PARP1: variants seen among roughly 807,000 people sequenced by gnomAD.
PARP1 encodes poly(ADP-ribose) polymerase 1.
Under a neutral mutation model 118.7 loss-of-function variants are expected in PARP1, and 44 were observed. That is an observed-to-expected ratio of 0.37 (90% CI 0.29 to 0.48). The LOEUF (loss-of-function observed/expected upper bound fraction) is 0.48, where lower values mean the gene tolerates loss of function less well. Among genes scored for constraint, PARP1 ranks in the 20% least tolerant of loss-of-function variants. The pLI is 0.99. For missense variants in PARP1, 1,100 were observed against 1,272.4 expected, an observed-to-expected ratio of 0.86 and a Z score of 2.06; for synonymous variants, 492 against 483.2, an observed-to-expected ratio of 1.02 and a Z score of -0.24.
Position 226,380,130 on chromosome 1 carries a change from T to G in PARP1, c.1335A>C (p.Glu445Asp), listed in dbSNP as rs770590002. The G allele has an allele frequency of 6.2e-7, 1 of 1,614,060 alleles. No homozygotes were observed. Among genetic ancestry groups the G allele is most frequent in the Admixed American group, 1.7e-5 (1 of 60,006 alleles). ...EVEKMNKKME[E>D]VKEANIRVVS... is the part of the protein sequence containing the mutation. ...CAACTCGGATGTTGGCTTCCTTTAC[T>G]TCCTCCATCTTCTTATTCATCTTTT... Residue 445 changes from glutamate (E) to aspartate (D), a missense_variant, in exon 10 of 23, where the codon GAA becomes GAC. Around this residue, in one of 2 missense-constraint regions of PARP1, gnomAD observed 948 missense variants for 1,031.8 expected, o/e 0.92. Transcript: ENST00000366794.
chr1:226,393,979 AT>A (rs1466195320), intron 2 of PARP1, among the ~76,000 whole-genome samples: 3 of 152,254 alleles, frequency 2.0e-5, no homozygotes, highest in Non-Finnish European at 4.4e-5. Flanking sequence ...CTAAAAGAAA[AT>A]GTCAAACTTG....
chr1:226,365,236 G>A (rs927016330), intron 18 of PARP1, 82 bp from the exon 19 acceptor site: 48 of 1,443,264 alleles, frequency 3.3e-5, no homozygotes, highest in East Asian at 4.5e-5. Flanking sequence ...CTGGATACAC[G>A]AGAAATGACC....
In PARP1 at chr1:226,361,375, C is replaced by A; in HGVS notation, c.*85G>T. The A allele has an allele frequency of 1.2e-6, 1 of 853,168 alleles. No homozygotes were observed. The highest frequency in any genetic ancestry group is 2.0e-6 in the Non-Finnish European group (1 of 500,010). 52.8% of individuals were successfully genotyped at this position (853,168 alleles called of 1,614,324 possible). On this transcript the variant is annotated 3_prime_UTR_variant, in exon 23 of 23. Transcript: ENST00000366794. ...TAGTACAGGTACTACCCATCAGCAACTTAGCGGCCAGGTGAGTTGGTGCAG... is the reference window on the plus strand; with the variant it reads ...TAGTACAGGTACTACCCATCAGCAAATTAGCGGCCAGGTGAGTTGGTGCAG...
At chr1:226,372,669 C>T (rs1023981163) in intron 14 of PARP1, among the ~76,000 whole-genome samples, 5 of 149,778 alleles carry the variant, frequency 3.3e-5, no homozygotes, top group African/African-American at 1.0e-4. Flanking sequence ...AGTGAAACTC[C>T]GTCTCAAACC....
chr1:226,385,257 T>A (rs1558238833), intron 7 of PARP1, among the ~76,000 whole-genome samples: 1 of 152,186 alleles, frequency 6.6e-6, no homozygotes, highest in Non-Finnish European at 1.5e-5. Flanking sequence ...TAAAAACTAT[T>A]CATGGTCTTT....
intron 10 of PARP1, 75 bp from the exon 11 acceptor site, chr1:226,379,716 G>A (rs1664567191): frequency 7.3e-7 from 1 of 1,368,344 alleles, no homozygotes. Flanking sequence ...GAAGGCAAAT[G>A]AGTTGTTCTC....
intron 6 of PARP1, among the ~76,000 whole-genome samples, chr1:226,385,971 A>G (rs929252467): frequency 2.0e-5 from 3 of 152,194 alleles, no homozygotes; most frequent in African/African-American, 7.2e-5. Flanking sequence ...TACAGTGCCA[A>G]GCCAACTCCC....
At chr1:226,381,272 G>T in intron 8 of PARP1, 64 bp from the exon 9 acceptor site, 1 of 1,597,554 alleles carries the variant, frequency 6.3e-7, no homozygotes, top group South Asian at 1.1e-5. Flanking sequence ...AGTAAGGGGA[G>T]GTGGAGGAGC....
At chr1:226,367,713 A>C (rs1304960988) in intron 16 of PARP1, 105 bp from the exon 17 acceptor site, 8 of 1,304,600 alleles carry the variant, frequency 6.1e-6, no homozygotes, top group African/African-American at 2.9e-5. Flanking sequence ...CAACACAGTG[A>C]ATGGCAAACC....
intron 9 of PARP1, 75 bp downstream of exon 9, chr1:226,380,993 T>G: frequency 6.5e-7 from 1 of 1,542,612 alleles, no homozygotes; most frequent in South Asian, 1.1e-5. Flanking sequence ...GTTCGACTCT[T>G]CCTCACTTAC....
intron 14 of PARP1, among the ~76,000 whole-genome samples, chr1:226,373,200 G>A (rs1239175454): frequency 1.3e-5 from 2 of 152,200 alleles, no homozygotes; most frequent in African/African-American, 4.8e-5. Context: ...GGTTCTAGGA[G>A]GAAGGACTTG....
chr1:226,391,671 G>A (rs1159674868), intron 3 of PARP1, among the ~76,000 whole-genome samples: 3 of 152,174 alleles, frequency 2.0e-5, no homozygotes, highest in Non-Finnish European at 4.4e-5. Context: ...TTCAATTAAT[G>A]CCTTAAATGA....
At chr1:226,379,846 G>A (rs1664569476) in intron 10 of PARP1, 76 bp downstream of exon 10, 1 of 1,604,718 alleles carries the variant, frequency 6.2e-7, no homozygotes, top group Admixed American at 1.7e-5. Flanking sequence ...CACAAAGGGA[G>A]AGGTTCCGTG....
At chr1:226,374,938 T>C (rs556137883) in intron 13 of PARP1, among the ~76,000 whole-genome samples, 6 of 152,298 alleles carry the variant, frequency 3.9e-5, no homozygotes, top group Admixed American at 2.0e-4. Context: ...AATAGACTAT[T>C]GAGACTCCAC....
intron 2 of PARP1, among the ~76,000 whole-genome samples, chr1:226,395,856 A>C (rs1363629185): frequency 6.6e-6 from 1 of 152,210 alleles, no homozygotes; most frequent in Non-Finnish European, 1.5e-5. Flanking sequence ...AACTCCACTT[A>C]CATGAGGTGC....
At chr1:226,386,305 C>T (rs201394101) in intron 6 of PARP1, 21 bp downstream of exon 6, 193 of 1,487,286 alleles carry the variant, frequency 1.3e-4, no homozygotes, top group South Asian at 2.1e-4. Context: ...GCGTGTCCCA[C>T]TTAACACAAA....
chr1:226,360,977 G>A lies in PARP1; in HGVS notation c.*483C>T, dbSNP rs1485058511. 1 of 231,564 alleles carries A rather than the reference G, an allele frequency of 4.3e-6. No homozygotes were observed. The highest frequency in any genetic ancestry group is 8.6e-6 in the Non-Finnish European group (1 of 116,448). 14.3% of individuals were successfully genotyped at this position (231,564 alleles called of 1,614,324 possible). A position where few individuals can be genotyped will look rare whatever the true frequency, so the allele number is the denominator to read the frequency against. ...AAAAAAACTAAAAAGGGGACAATAA[G>A]TGCAAGATAAAAAAGAAAATCTAAA... On this transcript the variant is annotated 3_prime_UTR_variant, in exon 23 of 23. Transcript: ENST00000366794.
intron 22 of PARP1, 131 bp downstream of exon 22, chr1:226,361,838 C>T: frequency 2.8e-6 from 2 of 721,566 alleles, no homozygotes; most frequent in East Asian, 2.7e-5. Context: ...AGAAGGGAAA[C>T]AGTCACCATG....
intron 14 of PARP1, among the ~76,000 whole-genome samples, chr1:226,373,385 G>A (rs1229519417): frequency 6.6e-6 from 1 of 152,210 alleles, no homozygotes; most frequent in Non-Finnish European, 1.5e-5. Flanking sequence ...TCTGGGTTCA[G>A]CAGCTAGGGT....
Sources: allele counts gnomAD v4.1 joint callset (sites outside exome capture counted in the v4.1 genomes callset), GRCh38; gene constraint gnomAD v4.1.1; regional missense constraint gnomAD v4.1.1; transcripts MANE v1.5; gene names NCBI Gene and HGNC (gene_info 2026-07-23, HGNC 2026-07-21).